GNB1: variants seen among roughly 807,000 people sequenced by gnomAD.
The protein encoded by GNB1 is G protein subunit beta 1.
GNB1 carries 2 observed loss-of-function variants against 42.9 expected under a neutral mutation model. The observed-to-expected ratio is 0.05, with a 90% CI of 0.02 to 0.15. The LOEUF is 0.15. Ranked by LOEUF, GNB1 falls within the 10% of genes least tolerant of loss-of-function variation. The pLI, the probability that GNB1 is intolerant of heterozygous loss-of-function variation, is 1.00. For missense variants in GNB1, 193 were observed against 462.2 expected (o/e 0.42, Z 5.34); for synonymous variants, 183 against 174.7 (o/e 1.05, Z -0.38).
chr1:1,849,394 C>T (rs938983591), intron 1 of GNB1, among the ~76,000 whole-genome samples: 1 of 152,148 alleles, frequency 6.6e-6, no homozygotes, highest in South Asian at 2.1e-4. Context: ...GGCAACAAAC[C>T]CCACAACTTT....
chr1:1,876,775 T>C (rs1649569016), intron 1 of GNB1, among the ~76,000 whole-genome samples: 1 of 152,138 alleles, frequency 6.6e-6, no homozygotes, highest in African/African-American at 2.4e-5. Flanking sequence ...AGAATTTTAT[T>C]TGTAGCATGT....
chr1:1,888,523 G>A (rs1388776866), intron 1 of GNB1, among the ~76,000 whole-genome samples: 2 of 152,120 alleles, frequency 1.3e-5, no homozygotes, highest in Non-Finnish European at 2.9e-5. Context: ...TCATTTCTGC[G>A]CAGCTCTAAT....
intron 1 of GNB1, among the ~76,000 whole-genome samples, chr1:1,872,824 C>T (rs1233230927): frequency 6.6e-6 from 1 of 152,216 alleles, no homozygotes; most frequent in African/African-American, 2.4e-5. Flanking sequence ...TCTCGGTACT[C>T]AACCATCACC....
chr1:1,844,344 T>C (rs560499399), intron 1 of GNB1, among the ~76,000 whole-genome samples: 12 of 151,418 alleles, frequency 7.9e-5, no homozygotes, highest in African/African-American at 1.7e-4. Flanking sequence ...TGAGCCAAGA[T>C]TGCATCACTG....
intron 3 of GNB1, chr1:1,818,209 G>C (rs1646882849): frequency 9.5e-6 from 2 of 210,800 alleles, no homozygotes; most frequent in Non-Finnish European, 2.0e-5. Context: ...GGTGCTGCCT[G>C]TGCCCTCACT....
intron 3 of GNB1, among the ~76,000 whole-genome samples, chr1:1,820,593 G>GA (rs1570668328): frequency 1.3e-5 from 2 of 152,206 alleles, no homozygotes; most frequent in East Asian, 3.9e-4. Context: ...GGCAAGTACT[G>GA]AGTTTAATAT....
At chr1:1,811,059 G>T (rs1646770003) in intron 5 of GNB1, among the ~76,000 whole-genome samples, 1 of 129,908 alleles carries the variant, frequency 7.7e-6, no homozygotes, top group Non-Finnish European at 1.6e-5. Flanking sequence ...ATGTTTGTGG[G>T]TATATATATA....
At chr1:1,832,499 G>C (rs1426937807) in intron 2 of GNB1, among the ~76,000 whole-genome samples, 1 of 152,200 alleles carries the variant, frequency 6.6e-6, no homozygotes, top group Admixed American at 6.5e-5. Flanking sequence ...AGAGAGATTT[G>C]AATAACTTAA....
At chr1:1,843,977 C>T (rs1242904401) in intron 1 of GNB1, among the ~76,000 whole-genome samples, 2 of 151,824 alleles carry the variant, frequency 1.3e-5, no homozygotes, top group Admixed American at 6.6e-5. Context: ...GGGCGGATCA[C>T]GAGGTCAGGA....
chr1:1,840,445 T>C (rs1647213788), intron 1 of GNB1, among the ~76,000 whole-genome samples: 1 of 152,186 alleles, frequency 6.6e-6, no homozygotes, highest in Non-Finnish European at 1.5e-5. Context: ...GGAGAATTGC[T>C]TGAACACAGG....
At chr1:1,802,763 T>TA (rs374872245) in intron 7 of GNB1, among the ~76,000 whole-genome samples, 3,883 of 137,550 alleles carry the variant, frequency 0.028, 69 homozygotes, top group Middle Eastern at 0.054. Context: ...GACTCCATCT[T>TA]AAAAAAAAAA....
intron 1 of GNB1, among the ~76,000 whole-genome samples, chr1:1,852,332 C>A (rs1055346764): frequency 3.9e-5 from 6 of 151,912 alleles, no homozygotes; most frequent in African/African-American, 1.2e-4. Flanking sequence ...GGGTTCACAC[C>A]ATTCTCCTGC....
chr1:1,794,940 G>A (rs916924097), intron 7 of GNB1, among the ~76,000 whole-genome samples: 2 of 152,110 alleles, frequency 1.3e-5, no homozygotes, highest in Non-Finnish European at 2.9e-5. Context: ...CACCCACCTC[G>A]GCTTCCCAAA....
intron 5 of GNB1, among the ~76,000 whole-genome samples, chr1:1,812,613 T>C (rs536463425): frequency 6.6e-6 from 1 of 152,272 alleles, no homozygotes; most frequent in Admixed American, 6.5e-5. Flanking sequence ...TAGCACCCTG[T>C]CCAAGAACAT....
At chr1:1,833,995 G>A (rs1647111532) in intron 2 of GNB1, among the ~76,000 whole-genome samples, 1 of 152,152 alleles carries the variant, frequency 6.6e-6, no homozygotes, top group African/African-American at 2.4e-5. Flanking sequence ...AGACGACCAG[G>A]CAGGTCGGTT....
chr1:1,878,370 T>C (rs879854883), intron 1 of GNB1, among the ~76,000 whole-genome samples: 3 of 152,178 alleles, frequency 2.0e-5, no homozygotes, highest in Non-Finnish European at 2.9e-5. Flanking sequence ...TTACATAATA[T>C]GTATGCCAAG....
intron 3 of GNB1, among the ~76,000 whole-genome samples, chr1:1,821,160 G>C (rs1262922653): frequency 1.3e-5 from 2 of 152,190 alleles, no homozygotes; most frequent in African/African-American, 2.4e-5. Context: ...CCTGGGCCCT[G>C]CTCAGCATGG....
chr1:1,811,219 C>T (rs1486111274), intron 5 of GNB1, among the ~76,000 whole-genome samples: 1 of 151,788 alleles, frequency 6.6e-6, no homozygotes, highest in African/African-American at 2.4e-5. Flanking sequence ...TTGAGTGCAG[C>T]TGAAACTACA....
rs1221380679 is a variant in GNB1 at position 1,790,861 on chromosome 1, C to T, written c.498-265G>A. Among the ~76,000 whole-genome samples the T allele has an allele frequency of 6.6e-6, 1 of 152,198 alleles. No individual in the cohort carries two copies. Among genetic ancestry groups the T allele is most frequent in the Non-Finnish European group, 1.5e-5 (1 of 68,028 alleles). ...ATCGCTACCTCAACTCAAATGCCAGCAAACAGGGAGCTGGGGGCACTTTTC... is the reference window on the plus strand; with the variant it reads ...ATCGCTACCTCAACTCAAATGCCAGTAAACAGGGAGCTGGGGGCACTTTTC... On this transcript the variant is annotated intron_variant, in intron 8 of 11. Transcript: ENST00000378609. The surrounding 1 kb of genome is among the most constrained non-coding windows in gnomAD (Gnocchi z 5.4).
Sources: gnomAD v4.1 joint callset for allele counts (sites outside exome capture counted in the v4.1 genomes callset) on GRCh38, gnomAD v4.1.1 for gene constraint, Gnocchi (gnomAD v3.1) non-coding constraint, MANE v1.5 for transcripts, NCBI Gene and HGNC (gene_info 2026-07-23, HGNC 2026-07-21) for gene names.